DCHS2: variants seen among roughly 807,000 people sequenced by gnomAD.
The protein encoded by DCHS2 is dachsous cadherin-related 2.
A neutral mutation model predicts 182.4 loss-of-function variants in DCHS2; 142 were observed. The ratio of observed to expected loss-of-function variants is 0.78; its 90% CI spans 0.68 to 0.89. DCHS2 has a LOEUF of 0.89. Among genes scored for constraint, DCHS2 ranks in the 40% least tolerant of loss-of-function variants. The pLI is 0.00. For synonymous variants in DCHS2, 1,740 were observed against 1,663.3 expected, an observed-to-expected ratio of 1.05 and a Z score of -1.12; for missense variants, 4,319 against 4,198.6, an observed-to-expected ratio of 1.03 and a Z score of -0.79.
rs561170450 is a variant in DCHS2, at chr4:154,233,079, A to G, written c.*1457T>C. ...CACAGATGAGGCCTATGGAAGAAGA[A>G]CACAAAGGAACTATATCTGTAGTAG... On this transcript the variant is annotated 3_prime_UTR_variant, in exon 20 of 20. Transcript: ENST00000357232. 6.6e-6 allele frequency: 1 copy of G among 152,198 alleles called. No individual in the cohort carries two copies. The highest frequency in any genetic ancestry group is 2.4e-5 in the African/African-American group (1 of 41,450). The allele number at this position is 152,198 out of a possible 1,614,324, so 9.4% of individuals were successfully genotyped here.
chr4:154,476,961 A>T (rs1012810247), intron 1 of DCHS2, among the ~76,000 whole-genome samples: 1 of 69,170 alleles, frequency 1.4e-5, no homozygotes, highest in South Asian at 4.2e-4. Context: ...GAAACAAGTA[A>T]AAGTTAGCTG....
Position 154,329,529 on chromosome 4 carries a change from G to C in DCHS2, c.3912C>G (p.His1304Gln). ...GCAAGGTTTCTTCACAAACCTTCAC[G>C]TGTAACTCCTTTCCAGGGAGACACT... is the stretch of plus-strand genomic sequence containing the variant. ...FPQCLPGKELHVKVLEGQPVN... is the reference protein window; with the variant it reads ...FPQCLPGKELQVKVLEGQPVN... The change falls in exon 6 of 20, where the codon CAC becomes CAG. Residue 1304 changes from histidine (H) to glutamine (Q), a missense_variant. By Grantham distance (24) the His-to-Gln change is conservative. Transcript: ENST00000357232. 1.9e-6 allele frequency: 3 copies of C among 1,613,132 alleles called. No individual in the cohort carries two copies. The highest frequency in any genetic ancestry group is 2.5e-6 in the Non-Finnish European group (3 of 1,179,454).
At chr4:154,252,159 CT>C (rs1352315905) in intron 16 of DCHS2, among the ~76,000 whole-genome samples, 2 of 151,816 alleles carry the variant, frequency 1.3e-5, no homozygotes, top group African/African-American at 4.8e-5. Flanking sequence ...AATAGGAAAT[CT>C]TTTCTTTTTC....
intron 16 of DCHS2, among the ~76,000 whole-genome samples, chr4:154,249,147 G>C (rs1425827611): frequency 6.6e-6 from 1 of 152,132 alleles, no homozygotes; most frequent in Non-Finnish European, 1.5e-5. Flanking sequence ...AGAGTAAAGA[G>C]ACAACCTACA....
chr4:154,489,240 A>G lies in DCHS2; in HGVS notation c.2052+64T>C, dbSNP rs946972761. The stretch of plus-strand genomic sequence containing the variant: ...CCTCCACATCACAATTTCCTAGGCC[A>G]ACTCACAACCCTCTCCATCCCTTCC... On this transcript the variant is annotated intron_variant, in intron 1 of 19. Transcript: ENST00000357232. The G allele has an allele frequency of 2.4e-4, 323 of 1,334,372 alleles. 2 individuals are homozygous for G. The East Asian group carries it at 8.1e-3, about 33-fold the overall frequency. The allele number at this position is 1,334,372 out of a possible 1,614,324, so 82.7% of individuals were successfully genotyped here. A position where few individuals can be genotyped will look rare whatever the true frequency, so the allele number is the denominator to read the frequency against.
intron 1 of DCHS2, among the ~76,000 whole-genome samples, chr4:154,424,946 A>C (rs1398461950): frequency 1.3e-5 from 2 of 152,188 alleles, no homozygotes; most frequent in Non-Finnish European, 2.9e-5. Flanking sequence ...TGAACACAAT[A>C]ATTCACTTCT....
At chr4:154,486,469 T>C (rs1437504094) in intron 1 of DCHS2, 2 of 1,304,684 alleles carry the variant, frequency 1.5e-6, no homozygotes, top group Admixed American at 2.3e-5. Context: ...TTTTCCTGTA[T>C]TTCCTTTTGT....
At chr4:154,389,515 G>T (rs28539576) in intron 1 of DCHS2, among the ~76,000 whole-genome samples, 2 of 125,908 alleles carry the variant, frequency 1.6e-5, no homozygotes, top group African/African-American at 2.9e-5. Flanking sequence ...AAAGACAAAG[G>T]TTATATATAT....
chr4:154,270,306 C>G (rs1054105314), intron 13 of DCHS2, among the ~76,000 whole-genome samples: 1 of 152,002 alleles, frequency 6.6e-6, no homozygotes, highest in Non-Finnish European at 1.5e-5. Context: ...GTGTCAGGCC[C>G]TTAGAAAGAG....
intron 3 of DCHS2, among the ~76,000 whole-genome samples, chr4:154,345,085 C>A (rs908467562): frequency 4.6e-5 from 7 of 152,208 alleles, no homozygotes; most frequent in Admixed American, 1.3e-4. Flanking sequence ...ACTGGTGGAA[C>A]AGATCTGAAA....
intron 1 of DCHS2, among the ~76,000 whole-genome samples, chr4:154,401,462 C>T (rs1279059720): frequency 1.3e-5 from 2 of 152,174 alleles, no homozygotes; most frequent in Non-Finnish European, 2.9e-5. Flanking sequence ...AAGTATTTTA[C>T]CAGTAACATA....
chr4:154,273,387 G>A (rs567114630), intron 13 of DCHS2, among the ~76,000 whole-genome samples: 9 of 152,212 alleles, frequency 5.9e-5, no homozygotes, highest in Admixed American at 2.0e-4. Context: ...ATTCTCATTC[G>A]TATGTGGGAG....
At position 154,490,198 on chromosome 4, in the gene DCHS2, G is replaced by T. The variant is rs762800994; in HGVS notation, c.1158C>A (p.Arg386=). ...CAACCTCAGGCTCGGCGCCTCCATC[G>T]CGGGCCTCCACCACCAACTGGTGCC... ...QAWHQLVVEA[R]DGGAEPEVAT... The change falls in exon 1 of 20, where the codon CGC becomes CGA. Residue 386 remains arginine (R), a synonymous_variant. Transcript: ENST00000357232. The T allele has an allele frequency of 3.2e-6, 5 of 1,549,246 alleles. No individual in the cohort carries two copies. The highest frequency in any genetic ancestry group is 2.6e-6 in the Non-Finnish European group (3 of 1,146,748).
intron 3 of DCHS2, among the ~76,000 whole-genome samples, chr4:154,347,607 A>C (rs1273257009): frequency 6.6e-6 from 1 of 151,878 alleles, no homozygotes; most frequent in Non-Finnish European, 1.5e-5. Context: ...TGACTCCTTA[A>C]TACAATACTA....
intron 14 of DCHS2, chr4:154,261,695 A>AAC (rs562978474): frequency 6.8e-4 from 103 of 152,134 alleles, no homozygotes; most frequent in African/African-American, 2.3e-3. Flanking sequence ...AAAAAAAAAC[A>AAC]ATATATATTA....
At chr4:154,413,827 G>A (rs1287190247) in intron 1 of DCHS2, among the ~76,000 whole-genome samples, 1 of 152,154 alleles carries the variant, frequency 6.6e-6, no homozygotes, top group Non-Finnish European at 1.5e-5. Flanking sequence ...CCAAAGCACT[G>A]CATTACTTTA....
At chr4:154,401,772 C>T (rs1199747662) in intron 1 of DCHS2, among the ~76,000 whole-genome samples, 1 of 152,196 alleles carries the variant, frequency 6.6e-6, no homozygotes, top group Admixed American at 6.5e-5. Context: ...GCGGGTGGAT[C>T]ACTTGAGGTC....
At chr4:154,467,193 T>C (rs1735274653) in intron 1 of DCHS2, among the ~76,000 whole-genome samples, 1 of 152,210 alleles carries the variant, frequency 6.6e-6, no homozygotes, top group African/African-American at 2.4e-5. Context: ...TTTATATGTT[T>C]ATGGAGTATA....
Position 154,235,574 on chromosome 4 carries a change from G to C in DCHS2, c.9078C>G (p.Asn3026Lys). The C allele has an allele frequency of 6.2e-7, 1 of 1,613,974 alleles. No homozygotes were observed. The highest frequency in any genetic ancestry group is 8.5e-7 in the Non-Finnish European group (1 of 1,179,940). ...ILRHKQKDTI[N>K]NYEEKKTSSL... ...ATGAGGTTTTCTTCTCCTCATAATT[G>C]TTTATTGTGTCTTTTTGTTTATGTC... Residue 3026 changes from asparagine (N) to lysine (K), a missense_variant, in exon 20 of 20, where the codon AAC becomes AAG. Coordinates refer to ENST00000357232, the MANE Select transcript of DCHS2 (RefSeq NM_001358235.2).
Sources: gnomAD v4.1 joint callset for allele counts (sites outside exome capture counted in the v4.1 genomes callset) on GRCh38, gnomAD v4.1.1 for gene constraint, MANE v1.5 for transcripts, NCBI Gene and HGNC (gene_info 2026-07-23, HGNC 2026-07-21) for gene names.